SAP30BP: variants seen among roughly 807,000 people sequenced by gnomAD.
SAP30BP encodes the protein SAP30-binding protein.
Under a neutral mutation model 46.3 loss-of-function variants are expected in SAP30BP, and 31 were observed. The observed-to-expected ratio is 0.67, with a 90% CI of 0.50 to 0.90. The LOEUF (loss-of-function observed/expected upper bound fraction) is 0.90, where lower values mean the gene tolerates loss of function less well. Among genes scored for constraint, SAP30BP ranks in the 40% least tolerant of loss-of-function variants. The probability of loss-of-function intolerance (pLI) is 0.00; values close to 1 mark genes in which losing one functional copy is unlikely to be tolerated. For missense variants in SAP30BP, 312 were observed against 391.0 expected (o/e 0.80, Z 1.70); for synonymous variants, 169 against 144.2 (o/e 1.17, Z -1.23).
At chr17:75,691,485 C>T (rs2060241474) in intron 3 of SAP30BP, 1 of 456,694 alleles carries the variant, frequency 2.2e-6, no homozygotes, top group Non-Finnish European at 4.4e-6. Flanking sequence ...CAAGAAGCCA[C>T]GGGGAGGCTC....
At chr17:75,705,418 G>A in intron 9 of SAP30BP, 1 of 167,220 alleles carries the variant, frequency 6.0e-6, no homozygotes, top group Non-Finnish European at 1.3e-5. Context: ...TCAAGCAGCT[G>A]CGGCCTCCAG....
At position 75,675,952 on chromosome 17, in the gene SAP30BP, C is replaced by T. The variant is rs536122569; in HGVS notation, c.264+4089C>T. Among the ~76,000 whole-genome samples, 5 of 152,218 alleles carry T rather than the reference C, an allele frequency of 3.3e-5. No homozygotes were observed. In the East Asian group the frequency reaches 7.7e-4, roughly 23 times the overall value. On this transcript the variant is annotated intron_variant, in intron 3 of 10. Transcript: ENST00000584667. ...ACCTATTACATATTAACATAAATAACATTTTTAGAAAAAATAAGTATTTCC... is the reference window on the plus strand; with the variant it reads ...ACCTATTACATATTAACATAAATAATATTTTTAGAAAAAATAAGTATTTCC...
intron 3 of SAP30BP, among the ~76,000 whole-genome samples, chr17:75,689,206 T>C (rs2060207078): frequency 6.7e-6 from 1 of 149,924 alleles, no homozygotes. Flanking sequence ...TGGAGTGCAG[T>C]GGCGCAATCT....
At position 75,702,519 on chromosome 17, in the gene SAP30BP, G is replaced by A; in HGVS notation, c.436G>A (p.Gly146Arg). ...GCTTTATGAACGAAAGATAAAGGAG[G>A]GAATGGATATGAACTACATTATCCA... ...QKLYERKIKE[G>R]MDMNYIIQRK... is the part of the protein sequence containing the mutation. The change falls in exon 6 of 11, where the codon GGA (glycine) becomes AGA (arginine). Residue 146 changes from glycine to arginine, a missense_variant. Gly to Arg is a moderately radical substitution (Grantham distance 125, BLOSUM62 -2). Transcript: ENST00000584667. The A allele has an allele frequency of 6.3e-7, 1 of 1,588,020 alleles. No individual in the cohort carries two copies.
At chr17:75,675,953 A>G (rs1329132939) in intron 3 of SAP30BP, among the ~76,000 whole-genome samples, 1 of 152,182 alleles carries the variant, frequency 6.6e-6, no homozygotes, top group African/African-American at 2.4e-5. Context: ...CATAAATAAC[A>G]TTTTTAGAAA....
intron 5 of SAP30BP, among the ~76,000 whole-genome samples, chr17:75,701,285 A>C (rs1002168747): frequency 4.6e-5 from 7 of 152,232 alleles, no homozygotes; most frequent in Admixed American, 1.3e-4. Flanking sequence ...GGGAGGCTGC[A>C]GGTAGATCTT....
chr17:75,678,619 C>T (rs1319161006), intron 3 of SAP30BP, among the ~76,000 whole-genome samples: 1 of 152,156 alleles, frequency 6.6e-6, no homozygotes, highest in Non-Finnish European at 1.5e-5. Context: ...ACTTCCAGTT[C>T]CACCTGTGCA....
chr17:75,704,031 G>A (rs1012873433), intron 8 of SAP30BP, among the ~76,000 whole-genome samples, 172 bp downstream of exon 8: 4 of 139,564 alleles, frequency 2.9e-5, no homozygotes, highest in Non-Finnish European at 4.9e-5. Flanking sequence ...GCCTTAAGAG[G>A]CTTATGCCAC....
At position 75,699,819 on chromosome 17, in the gene SAP30BP, A is replaced by G. The variant is rs2060379768; in HGVS notation, c.344A>G (p.Asp115Gly). Residue 115 changes from aspartate to glycine, a missense_variant, in exon 5 of 11, where the codon GAT becomes GGT. Coordinates refer to ENST00000584667, the MANE Select transcript of SAP30BP (RefSeq NM_013260.8). ...GAAAGAGTTCGGAACATGTCGCCTG[A>G]TGAAATCAAGATCCCGCCAGAACCC... Reference protein sequence around the residue: ...FSERVRNMSPDEIKIPPEPPG... With the variant: ...FSERVRNMSPGEIKIPPEPPG... 6.2e-7 allele frequency: 1 copy of G among 1,613,670 alleles called. No individual in the cohort carries two copies. Among genetic ancestry groups the G allele is most frequent in the Non-Finnish European group, 8.5e-7 (1 of 1,179,642 alleles).
At chr17:75,683,657 G>T (rs750753402) in intron 3 of SAP30BP, 2 of 152,164 alleles carry the variant, frequency 1.3e-5, no homozygotes, top group African/African-American at 4.8e-5. Context: ...GGAATAACTC[G>T]TTCTTTAAGC....
rs2148369175 is a variant in SAP30BP at position 75,671,803 on chromosome 17, C to A, written c.217-13C>A. ...TCCTTTAAGCTTAATCCTCTAAATT[C>A]TTTGTCTTGTAGGAAGATGACGATT... On this transcript the variant is annotated splice_polypyrimidine_tract_variant and intron_variant, in intron 2 of 10. Coordinates refer to ENST00000584667, the MANE Select transcript of SAP30BP (RefSeq NM_013260.8). 1 of 1,610,502 alleles carries A rather than the reference C, an allele frequency of 6.2e-7. No individual in the cohort carries two copies. The highest frequency in any genetic ancestry group is 8.5e-7 in the Non-Finnish European group (1 of 1,176,776).
chr17:75,677,154 G>T (rs2060003398), intron 3 of SAP30BP, among the ~76,000 whole-genome samples: 1 of 135,130 alleles, frequency 7.4e-6, no homozygotes, highest in Admixed American at 8.5e-5. Context: ...TGCCCAAGCT[G>T]GAGTGCAGTG....
chr17:75,679,360 T>G (rs1568304402), intron 3 of SAP30BP: 1 of 152,178 alleles, frequency 6.6e-6, no homozygotes. Flanking sequence ...GAGGTTGGAT[T>G]AAACTCCAGG....
chr17:75,680,066 G>C (rs2060052988), intron 3 of SAP30BP: 1 of 152,188 alleles, frequency 6.6e-6, no homozygotes, highest in Non-Finnish European at 1.5e-5. Context: ...ACAAACATGG[G>C]GGTTGAGAGC....
At chr17:75,679,942 ACCT>A (rs2060050792) in intron 3 of SAP30BP, 1 of 151,706 alleles carries the variant, frequency 6.6e-6, no homozygotes, top group Non-Finnish European at 1.5e-5. Flanking sequence ...GTCCATTTTT[ACCT>A]CGTTTGCTCT....
chr17:75,705,025 T>A (rs981531225), intron 9 of SAP30BP: 5 of 549,732 alleles, frequency 9.1e-6, no homozygotes, highest in Non-Finnish European at 1.6e-5. Flanking sequence ...GAGACTTGTT[T>A]GCTACATTGT....
intron 4 of SAP30BP, among the ~76,000 whole-genome samples, chr17:75,698,448 C>T (rs1270156179): frequency 6.6e-6 from 1 of 150,852 alleles, no homozygotes; most frequent in Non-Finnish European, 1.5e-5. Context: ...TTAGACGAGA[C>T]GGGTGGCCCC....
chr17:75,704,731 G>A, intron 8 of SAP30BP, 25 bp from the exon 9 acceptor site: 1 of 1,606,230 alleles, frequency 6.2e-7, no homozygotes, highest in Non-Finnish European at 8.5e-7. Context: ...GGCCACCTTT[G>A]TAACAGCTTC....
At chr17:75,674,925 A>G (rs2059967848) in intron 3 of SAP30BP, among the ~76,000 whole-genome samples, 1 of 150,750 alleles carries the variant, frequency 6.6e-6, no homozygotes, top group African/African-American at 2.4e-5. Context: ...CTGGTCTTGA[A>G]CTCCTGGGCT....
Sources: allele counts gnomAD v4.1 joint callset (sites outside exome capture counted in the v4.1 genomes callset), GRCh38; gene constraint gnomAD v4.1.1; transcripts MANE v1.5; gene names NCBI Gene and HGNC (gene_info 2026-07-23, HGNC 2026-07-21).